KCNIP4: variants seen among roughly 807,000 people sequenced by gnomAD.
The protein encoded by KCNIP4 is potassium voltage-gated channel interacting protein 4, also known as Kv channel-interacting protein 4.
In KCNIP4, 12 loss-of-function variants were observed where a neutral mutation model predicts 34.0. The ratio of observed to expected loss-of-function variants is 0.35; its 90% CI spans 0.23 to 0.57. The LOEUF (loss-of-function observed/expected upper bound fraction) is 0.57. Ranked by LOEUF, KCNIP4 falls within the 20% of genes least tolerant of loss-of-function variation. The pLI, the probability that KCNIP4 is intolerant of heterozygous loss-of-function variation, is 0.83. For missense variants in KCNIP4, 238 were observed against 311.7 expected (o/e 0.76, Z 1.78); for synonymous variants, 124 against 102.2 (o/e 1.21, Z -1.29).
chr4:21,054,832 G>T (rs1022238013), intron 1 of KCNIP4, among the ~76,000 whole-genome samples: 3 of 150,804 alleles, frequency 2.0e-5, no homozygotes, highest in Non-Finnish European at 4.4e-5. Context: ...TAACATAGAA[G>T]AAAACCTAGA....
At chr4:20,937,143 T>C (rs891578215) in intron 1 of KCNIP4, among the ~76,000 whole-genome samples, 2 of 151,612 alleles carry the variant, frequency 1.3e-5, no homozygotes, top group African/African-American at 2.4e-5. Context: ...CTGTGACTTG[T>C]AGCAAAGGTC....
chr4:21,665,589 G>T (rs996736934), intron 1 of KCNIP4, among the ~76,000 whole-genome samples: 1 of 149,320 alleles, frequency 6.7e-6, no homozygotes, highest in African/African-American at 2.5e-5. Context: ...AATAAGTCAA[G>T]GCTCTAAGAA....
chr4:21,276,199 C>T (rs1762426470), intron 1 of KCNIP4, among the ~76,000 whole-genome samples: 1 of 152,158 alleles, frequency 6.6e-6, no homozygotes, highest in South Asian at 2.1e-4. Context: ...ATCCACAGTG[C>T]CTGTGAATGT....
At chr4:21,046,746 C>T (rs1742458258) in intron 1 of KCNIP4, among the ~76,000 whole-genome samples, 1 of 152,086 alleles carries the variant, frequency 6.6e-6, no homozygotes, top group Admixed American at 6.6e-5. Flanking sequence ...CACGCGCAAC[C>T]ACGCCAGGCT....
intron 1 of KCNIP4, among the ~76,000 whole-genome samples, chr4:21,152,503 ATT>A (rs936603083): frequency 6.9e-6 from 1 of 144,110 alleles, no homozygotes; most frequent in African/African-American, 2.5e-5. Context: ...AATACAAGCC[ATT>A]TTTTTTTTTT....
chr4:21,749,936 C>A (rs1420248688), intron 1 of KCNIP4, among the ~76,000 whole-genome samples: 1 of 152,162 alleles, frequency 6.6e-6, no homozygotes, highest in South Asian at 2.1e-4. Flanking sequence ...ACAGTAGTTA[C>A]CACTTATCTG....
At chr4:21,579,032 T>C (rs1740982453) in intron 1 of KCNIP4, among the ~76,000 whole-genome samples, 1 of 152,190 alleles carries the variant, frequency 6.6e-6, no homozygotes, top group Admixed American at 6.5e-5. Flanking sequence ...GTTTGTTTCT[T>C]GTCTCCAACT....
chr4:21,210,751 C>T (rs1757168094), intron 1 of KCNIP4, among the ~76,000 whole-genome samples: 1 of 152,096 alleles, frequency 6.6e-6, no homozygotes, highest in East Asian at 1.9e-4. Context: ...AAGACAGATC[C>T]TATTTTCTCA....
rs935359397 is a variant in KCNIP4, at chr4:21,055,708, G to T, written c.62-172999C>A. ...AGTCTGAAAGGGTTGCATACTGTGT[G>T]CTTCCAACTGTAATACATTCTAGAA... On this transcript the variant is annotated intron_variant, in intron 1 of 8. Transcript: ENST00000382152. Among the ~76,000 whole-genome samples the T allele has an allele frequency of 4.6e-5, 7 of 152,252 alleles. No homozygotes were observed. In the South Asian group the frequency reaches 1.2e-3, roughly 27 times the overall value.
At chr4:21,055,125 C>G (rs1743289551) in intron 1 of KCNIP4, among the ~76,000 whole-genome samples, 1 of 152,052 alleles carries the variant, frequency 6.6e-6, no homozygotes, top group Non-Finnish European at 1.5e-5. Context: ...AGAAGCACCT[C>G]CCAAAAGAAG....
intron 1 of KCNIP4, among the ~76,000 whole-genome samples, chr4:21,833,595 A>C (rs1192817932): frequency 1.3e-5 from 2 of 152,112 alleles, no homozygotes; most frequent in Admixed American, 6.6e-5. Context: ...CTTTAGTTTA[A>C]TTAGATCCCA....
chr4:21,258,251 A>G (rs1375577506), intron 1 of KCNIP4, among the ~76,000 whole-genome samples: 1 of 152,192 alleles, frequency 6.6e-6, no homozygotes, highest in Non-Finnish European at 1.5e-5. Context: ...TTTGAGACAT[A>G]AAAAACATTG....
At chr4:21,221,549 C>T (rs1490181006) in intron 1 of KCNIP4, among the ~76,000 whole-genome samples, 1 of 152,130 alleles carries the variant, frequency 6.6e-6, no homozygotes, top group African/African-American at 2.4e-5. Context: ...AACTCACTCA[C>T]TATCATGAGA....
At chr4:21,083,781 G>A (rs1746198734) in intron 1 of KCNIP4, among the ~76,000 whole-genome samples, 1 of 151,948 alleles carries the variant, frequency 6.6e-6, no homozygotes, top group Non-Finnish European at 1.5e-5. Context: ...GTTTGTGGTA[G>A]TTTCTTACAA....
intron 1 of KCNIP4, among the ~76,000 whole-genome samples, chr4:21,819,215 GTTC>G (rs1479705155): frequency 1.3e-5 from 2 of 152,230 alleles, no homozygotes; most frequent in Non-Finnish European, 2.9e-5. Flanking sequence ...CTTTTGGAAT[GTTC>G]TTGAGTTTCA....
intron 1 of KCNIP4, among the ~76,000 whole-genome samples, chr4:21,127,424 C>G (rs1750716769): frequency 6.6e-6 from 1 of 152,138 alleles, no homozygotes; most frequent in Non-Finnish European, 1.5e-5. Context: ...TCTCTCATGA[C>G]TCTGATTATT....
intron 1 of KCNIP4, among the ~76,000 whole-genome samples, chr4:21,872,903 C>A (rs1217779110): frequency 2.0e-5 from 3 of 152,164 alleles, no homozygotes; most frequent in Non-Finnish European, 1.5e-5. Context: ...GAAAATGTAA[C>A]CTTCACCTTA....
intron 1 of KCNIP4, among the ~76,000 whole-genome samples, chr4:21,466,466 C>T (rs915610184): frequency 1.3e-5 from 2 of 152,136 alleles, no homozygotes; most frequent in Non-Finnish European, 2.9e-5. Context: ...ATTTTATCAA[C>T]AAATATCATT....
intron 1 of KCNIP4, among the ~76,000 whole-genome samples, chr4:21,787,426 A>G (rs926373624): frequency 4.6e-5 from 7 of 152,198 alleles, no homozygotes; most frequent in African/African-American, 1.7e-4. Context: ...GGTCTCTCCA[A>G]CTAGGGTTAG....
Sources: gnomAD v4.1 joint callset for allele counts (sites outside exome capture counted in the v4.1 genomes callset) on GRCh38, gnomAD v4.1.1 for gene constraint, MANE v1.5 for transcripts, NCBI Gene and HGNC (gene_info 2026-07-23, HGNC 2026-07-21) for gene names.